The following MGAT4C variants were observed in gnomAD, a reference collection of about 807,000 sequenced individuals.
MGAT4C encodes alpha-1,3-mannosyl-glycoprotein 4-beta-N-acetylglucosaminyltransferase C.
A neutral mutation model predicts 40.1 loss-of-function variants in MGAT4C; 19 were observed. The observed-to-expected ratio is 0.47, with a 90% confidence interval of 0.33 to 0.70. The LOEUF (loss-of-function observed/expected upper bound fraction) is 0.70, where lower values mean the gene tolerates loss of function less well. MGAT4C is among the 30% of genes least tolerant of loss of function. The pLI is 0.02. For synonymous variants in MGAT4C, 181 were observed against 187.1 expected (o/e 0.97, Z 0.27); for missense variants, 491 against 563.2 (o/e 0.87, Z 1.30).
At chr12:86,764,080 G>T (rs567552391) in intron 1 of MGAT4C, among the ~76,000 whole-genome samples, 1 of 152,232 alleles carries the variant, frequency 6.6e-6, no homozygotes, top group South Asian at 2.1e-4. Flanking sequence ...CTCCAGAAGC[G>T]CAAGGGGTCA....
At chr12:86,696,200 C>A (rs868033987) in intron 2 of MGAT4C, among the ~76,000 whole-genome samples, 5 of 150,548 alleles carry the variant, frequency 3.3e-5, no homozygotes, top group Admixed American at 3.3e-4. Flanking sequence ...AGCCTGGCAA[C>A]AGAGTGAGAC....
chr12:86,210,468 T>C (rs1429242188), intron 1 of MGAT4C, among the ~76,000 whole-genome samples: 1 of 152,244 alleles, frequency 6.6e-6, no homozygotes, highest in Non-Finnish European at 1.5e-5. Flanking sequence ...ATTGGTATCA[T>C]CTGATATTCA....
intron 2 of MGAT4C, among the ~76,000 whole-genome samples, chr12:85,993,110 G>A (rs1451438815): frequency 6.6e-6 from 1 of 152,150 alleles, no homozygotes; most frequent in Non-Finnish European, 1.5e-5. Context: ...AATTAAAGGG[G>A]GTCTTGGCAA....
In MGAT4C at chr12:86,620,100, A is replaced by C. The variant is rs568483858; in HGVS notation, c.-229+107109T>G. ...GATGCAAAGAAAAAGGAACACTTAT[A>C]CACTGTTAGTGAGAATGTAAATTAC... On this transcript the variant is annotated intron_variant, in intron 2 of 7. Coordinates refer to the MGAT4C transcript ENST00000548651. Among the ~76,000 whole-genome samples the C allele has an allele frequency of 2.6e-5, 4 of 152,286 alleles. No homozygotes were observed. In the East Asian group the frequency reaches 7.7e-4, roughly 29 times the overall value.
intron 2 of MGAT4C, among the ~76,000 whole-genome samples, chr12:86,565,951 C>A (rs1365719726): frequency 6.6e-6 from 1 of 152,162 alleles, no homozygotes; most frequent in African/African-American, 2.4e-5. Context: ...CTGGCTACAG[C>A]TACCGCTGAG....
intron 1 of MGAT4C, among the ~76,000 whole-genome samples, chr12:86,066,640 C>G (rs956801098): frequency 6.6e-6 from 1 of 152,116 alleles, no homozygotes; most frequent in African/African-American, 2.4e-5. Context: ...CCATTCAGGA[C>G]ATAGGCAGGG....
At position 85,968,825 on chromosome 12, in the gene MGAT4C, T is replaced by TA. The variant is rs1236001559; in HGVS notation, c.*10463dup. On this transcript the variant is annotated 3_prime_UTR_variant, in exon 5 of 5. Coordinates refer to ENST00000611864, the MANE Select transcript of MGAT4C (RefSeq NM_001351288.2). ...AGAGATGTTAATGAACAGCCAGACT[T>TA]AAAAACTAGTAATTTAGACAAGTGT... is the stretch of plus-strand genomic sequence containing the variant. The TA allele has an allele frequency of 1.2e-4, 18 of 151,940 alleles. No individual in the cohort carries two copies. The highest frequency in any genetic ancestry group is 1.9e-4 in the Non-Finnish European group (13 of 67,786). 9.4% of individuals were successfully genotyped at this position (151,940 alleles called of 1,614,324 possible).
intron 2 of MGAT4C, among the ~76,000 whole-genome samples, chr12:86,713,848 C>A: frequency 6.6e-6 from 1 of 152,146 alleles, no homozygotes; most frequent in African/African-American, 2.4e-5. Flanking sequence ...CACCTACGGA[C>A]TTATGTATTA....
At chr12:86,287,961 C>T (rs1953398350) in intron 4 of MGAT4C, among the ~76,000 whole-genome samples, 1 of 152,184 alleles carries the variant, frequency 6.6e-6, no homozygotes, top group Non-Finnish European at 1.5e-5. Context: ...TTTACACTCC[C>T]ACCAACAGTG....
At chr12:86,506,321 G>A (rs1958472112) in intron 2 of MGAT4C, among the ~76,000 whole-genome samples, 1 of 152,118 alleles carries the variant, frequency 6.6e-6, no homozygotes, top group Non-Finnish European at 1.5e-5. Flanking sequence ...TGAAAGTTTT[G>A]TTTTGCCTTG....
intron 1 of MGAT4C, among the ~76,000 whole-genome samples, chr12:86,757,167 G>A (rs1048331177): frequency 1.4e-5 from 2 of 146,358 alleles, no homozygotes; most frequent in African/African-American, 5.0e-5. Context: ...GTAGAACAAC[G>A]AGAACACATG....
intron 1 of MGAT4C, among the ~76,000 whole-genome samples, chr12:86,071,625 A>T (rs1443214208): frequency 1.3e-5 from 2 of 152,114 alleles, no homozygotes; most frequent in Non-Finnish European, 2.9e-5. Context: ...TTCTTTTAAC[A>T]TCAGGTAATA....
intron 1 of MGAT4C, among the ~76,000 whole-genome samples, chr12:86,828,907 T>G (rs1250719352): frequency 6.6e-6 from 1 of 151,580 alleles, no homozygotes; most frequent in Admixed American, 6.6e-5. Flanking sequence ...ATGAAAATAT[T>G]CTAAACCTGG....
In MGAT4C at chr12:86,359,147, C is replaced by T. The variant is rs190178261; in HGVS notation, c.-119-25020G>A. On this transcript the variant is annotated intron_variant, in intron 3 of 7. Transcript: ENST00000548651. ...ACTGTCTTTCAGACCACAGTGCAATCGAACTAGAACTCAGGATCAAGAAAC... is the reference window on the plus strand; with the variant it reads ...ACTGTCTTTCAGACCACAGTGCAATTGAACTAGAACTCAGGATCAAGAAAC... Among the ~76,000 whole-genome samples the T allele has an allele frequency of 2.1e-3, 321 of 152,278 alleles. 2 individuals are homozygous for T. Among genetic ancestry groups the T allele is most frequent in the Non-Finnish European group, 5.7e-4 (39 of 68,030 alleles).
At chr12:86,150,047 G>A (rs1022252678) in intron 1 of MGAT4C, among the ~76,000 whole-genome samples, 6 of 152,118 alleles carry the variant, frequency 3.9e-5, no homozygotes, top group Non-Finnish European at 8.8e-5. Flanking sequence ...ACTGGGTGGT[G>A]GATGGGTGGA....
At chr12:86,569,424 A>T (rs535001186) in intron 2 of MGAT4C, among the ~76,000 whole-genome samples, 1 of 152,140 alleles carries the variant, frequency 6.6e-6, no homozygotes, top group Admixed American at 6.6e-5. Flanking sequence ...ATATTTAAAA[A>T]GTTTGACATC....
intron 2 of MGAT4C, among the ~76,000 whole-genome samples, chr12:86,700,052 A>ATAGATAGATAGATAGATAGATAGATAGG (rs1310167771): frequency 1.3e-5 from 2 of 151,686 alleles, no homozygotes; most frequent in African/African-American, 4.8e-5. Context: ...AGATAGATAG[A>ATAGATAGATAGATAGATAGATAGATAGG]TAGATAGATA....
intron 2 of MGAT4C, among the ~76,000 whole-genome samples, chr12:86,709,799 C>A (rs947435428): frequency 6.6e-6 from 1 of 152,060 alleles, no homozygotes; most frequent in Non-Finnish European, 1.5e-5. Context: ...ATTATAATCA[C>A]CCTGAAGAGA....
intron 1 of MGAT4C, among the ~76,000 whole-genome samples, chr12:86,800,084 A>G (rs777280470): frequency 4.0e-4 from 61 of 152,016 alleles, no homozygotes; most frequent in Admixed American, 6.6e-4. Context: ...TATTTACTTC[A>G]GGGCAATTAA....
Sources: allele counts gnomAD v4.1 joint callset (sites outside exome capture counted in the v4.1 genomes callset), GRCh38; gene constraint gnomAD v4.1.1; transcripts MANE v1.5; gene names NCBI Gene and HGNC (gene_info 2026-07-23, HGNC 2026-07-21).